Variants in DCDC2 observed in about 807,000 individuals in gnomAD.
DCDC2 encodes doublecortin domain containing 2.
Under a neutral mutation model 50.2 loss-of-function variants are expected in DCDC2, and 40 were observed. That is an observed-to-expected ratio of 0.80 (90% CI 0.62 to 1.04). The LOEUF is 1.04. Ranked by LOEUF, DCDC2 falls within the 50% of genes least tolerant of loss-of-function variation. The pLI is 0.00. For missense variants in DCDC2, 570 were observed against 581.9 expected, an observed-to-expected ratio of 0.98 and a Z score of 0.21; for synonymous variants, 234 against 210.6, an observed-to-expected ratio of 1.11 and a Z score of -0.96.
At chr6:24,256,622 C>T (rs1762903318) in intron 7 of DCDC2, among the ~76,000 whole-genome samples, 1 of 151,986 alleles carries the variant, frequency 6.6e-6, no homozygotes, top group East Asian at 1.9e-4. Flanking sequence ...GTAAAAGAAA[C>T]ATTCATCAGA....
At chr6:24,370,312 C>T in the DCDC2 span, among the ~76,000 whole-genome samples, 1 of 152,186 alleles carries the variant, frequency 6.6e-6, no homozygotes, top group Non-Finnish European at 1.5e-5. Flanking sequence ...TAAAATGGCG[C>T]AGCCTCTTTG....
chr6:24,249,828 T>C (rs773033257), intron 7 of DCDC2, among the ~76,000 whole-genome samples: 1 of 151,936 alleles, frequency 6.6e-6, no homozygotes, highest in Non-Finnish European at 1.5e-5. Context: ...CTCTTTATAA[T>C]AGCCATATTG....
chr6:24,192,521 CAT>C (rs1012880236), intron 8 of DCDC2, among the ~76,000 whole-genome samples: 1 of 151,784 alleles, frequency 6.6e-6, no homozygotes, highest in African/African-American at 2.4e-5. Flanking sequence ...AAGAAAAAAA[CAT>C]AGTGCAGGAA....
chr6:24,209,581 T>A (rs1311728068), intron 7 of DCDC2, among the ~76,000 whole-genome samples: 1 of 152,206 alleles, frequency 6.6e-6, no homozygotes, highest in Admixed American at 6.5e-5. Context: ...CTTTTTAGTG[T>A]GCCAATAATA....
intron 8 of DCDC2, among the ~76,000 whole-genome samples, chr6:24,200,184 G>T (rs898612506): frequency 1.3e-5 from 2 of 152,122 alleles, no homozygotes; most frequent in East Asian, 3.9e-4. Context: ...TCCTCAAAAA[G>T]AGTAACCCCA....
chr6:24,355,945 T>A (rs1422002855), intron 1 of DCDC2, among the ~76,000 whole-genome samples: 2 of 152,232 alleles, frequency 1.3e-5, no homozygotes, highest in Non-Finnish European at 2.9e-5. Context: ...TATGAATTCA[T>A]AAGCTTAGAT....
chr6:24,220,204 G>A (rs979395389), intron 7 of DCDC2, among the ~76,000 whole-genome samples: 1 of 152,112 alleles, frequency 6.6e-6, no homozygotes, highest in African/African-American at 2.4e-5. Context: ...CTTCTAATAA[G>A]AACAAGATGC....
At chr6:24,315,395 C>T (rs1759642871) in intron 2 of DCDC2, among the ~76,000 whole-genome samples, 1 of 152,062 alleles carries the variant, frequency 6.6e-6, no homozygotes, top group African/African-American at 2.4e-5. Context: ...AAGAGACAGG[C>T]CCTAAGAGGC....
At chr6:24,176,128 C>T (rs543589707) in intron 9 of DCDC2, among the ~76,000 whole-genome samples, 2 of 151,904 alleles carry the variant, frequency 1.3e-5, no homozygotes, top group Admixed American at 1.3e-4. Context: ...GAGACTTCCT[C>T]CATATTAAAA....
chr6:24,210,891 C>A (rs970735023), intron 7 of DCDC2, among the ~76,000 whole-genome samples: 2 of 152,222 alleles, frequency 1.3e-5, no homozygotes, highest in African/African-American at 4.8e-5. Flanking sequence ...TCAAGCTCCA[C>A]TGACCTTCAT....
intron 7 of DCDC2, among the ~76,000 whole-genome samples, chr6:24,213,494 T>C (rs1761919964): frequency 6.6e-6 from 1 of 152,158 alleles, no homozygotes; most frequent in South Asian, 2.1e-4. Context: ...AAGGCAATAC[T>C]CTTTATGTGT....
In DCDC2 at chr6:24,357,869, C is replaced by T. The variant is rs748750832; in HGVS notation, c.-119G>A. 1.3e-6 allele frequency: 2 copies of T among 1,579,688 alleles called. No individual in the cohort carries two copies. Among genetic ancestry groups the T allele is most frequent in the South Asian group, 2.3e-5 (2 of 85,640 alleles). On this transcript the variant is annotated 5_prime_UTR_variant, in exon 1 of 10. Coordinates refer to ENST00000378454, the MANE Select transcript of DCDC2 (RefSeq NM_016356.5). Reference sequence around the variant, plus strand: ...CCTCCTGAAACGAACGAGAAACTGACGAATCCACAGGTGAAAGAGAAGTAA... The same window carrying T: ...CCTCCTGAAACGAACGAGAAACTGATGAATCCACAGGTGAAAGAGAAGTAA...
upstream of DCDC2, among the ~76,000 whole-genome samples, chr6:24,358,887 ATT>A (rs369456589): frequency 1.9e-4 from 4 of 21,150 alleles, no homozygotes; most frequent in Non-Finnish European, 2.3e-4. Context: ...TATTATATAT[ATT>A]TATATATATA....
intron 7 of DCDC2, among the ~76,000 whole-genome samples, chr6:24,252,583 A>G (rs930182217): frequency 1.3e-5 from 2 of 152,236 alleles, no homozygotes; most frequent in Non-Finnish European, 2.9e-5. Flanking sequence ...AAGCTCTGGT[A>G]AAAGCAAGCA....
intron 8 of DCDC2, among the ~76,000 whole-genome samples, chr6:24,199,344 C>T (rs1761529047): frequency 6.6e-6 from 1 of 152,192 alleles, no homozygotes; most frequent in South Asian, 2.1e-4. Flanking sequence ...GTTCTGCAGC[C>T]TCTGCTGGTG....
At chr6:24,192,008 G>A (rs975766588) in intron 8 of DCDC2, among the ~76,000 whole-genome samples, 1 of 152,064 alleles carries the variant, frequency 6.6e-6, no homozygotes, top group African/African-American at 2.4e-5. Context: ...GAAATAAGGG[G>A]GATAGATAAC....
chr6:24,312,660 A>T (rs751324241), intron 2 of DCDC2, among the ~76,000 whole-genome samples: 43 of 152,180 alleles, frequency 2.8e-4, no homozygotes, highest in Non-Finnish European at 4.4e-4. Flanking sequence ...TTTCCAAAGG[A>T]AAGGTTAGGG....
At chr6:24,205,810 T>C (rs912675949) in intron 7 of DCDC2, among the ~76,000 whole-genome samples, 3 of 152,226 alleles carry the variant, frequency 2.0e-5, no homozygotes, top group Admixed American at 2.0e-4. Flanking sequence ...CTCAGCCTTC[T>C]CTTCTTCAGG....
At chr6:24,271,224 AAGAGAGAGAGAGAGAGAAAGAAAG>A (rs1763232803) in intron 7 of DCDC2, among the ~76,000 whole-genome samples, 1 of 142,936 alleles carries the variant, frequency 7.0e-6, no homozygotes, top group African/African-American at 2.7e-5. Flanking sequence ...AAAAAAAAAA[AAGAGAGAGAGAGAGAGAAAGAAAG>A]AAAAAAAAGA....
Sources: allele counts gnomAD v4.1 joint callset (sites outside exome capture counted in the v4.1 genomes callset), GRCh38; gene constraint gnomAD v4.1.1; transcripts MANE v1.5; gene names NCBI Gene and HGNC (gene_info 2026-07-23, HGNC 2026-07-21).